RHOF: variants seen among roughly 807,000 people sequenced by gnomAD.
RHOF encodes the protein ras homolog family member F, filopodia associated, also known as rho-related GTP-binding protein RhoF.
RHOF carries 21 observed loss-of-function variants against 22.2 expected under a neutral mutation model. The ratio of observed to expected loss-of-function variants is 0.95; its 90% CI spans 0.67 to 1.36. The LOEUF (loss-of-function observed/expected upper bound fraction) is 1.36, where lower values mean the gene tolerates loss of function less well. RHOF is among the 40% of genes most tolerant of loss of function. The probability of loss-of-function intolerance (pLI) is 0.00; values close to 1 mark genes in which losing one functional copy is unlikely to be tolerated. For synonymous variants in RHOF, 135 were observed against 131.2 expected (o/e 1.03, Z -0.20); for missense variants, 285 against 293.7 (o/e 0.97, Z 0.22).
rs770864950 is a variant in RHOF at position 121,781,131 on chromosome 12, G to C, written c.288C>G (p.Ile96Met). The C allele has an allele frequency of 6.2e-7, 1 of 1,614,254 alleles. No homozygotes were observed. Among genetic ancestry groups the C allele is most frequent in the Admixed American group, 1.7e-5 (1 of 60,028 alleles). ...LSYQNTHLVL[I>M]CYDVMNPTSY... ...TGGTGGGATTCATGACGTCATAGCAGATGAGCACGAGGTGGGTGTTCTGGT... is the reference window on the plus strand; with the variant it reads ...TGGTGGGATTCATGACGTCATAGCACATGAGCACGAGGTGGGTGTTCTGGT... The change falls in exon 3 of 5, where the codon ATC becomes ATG. Residue 96 changes from isoleucine (I) to methionine (M), a missense_variant. Transcript: ENST00000267205.
At chr12:121,784,916 G>A (rs756731401) in intron 2 of RHOF, among the ~76,000 whole-genome samples, 1 of 152,178 alleles carries the variant, frequency 6.6e-6, no homozygotes, top group Non-Finnish European at 1.5e-5. Context: ...ACCCCCAGTG[G>A]ATGTTTGAAA....
chr12:121,785,854 C>T (rs796794547), intron 2 of RHOF, among the ~76,000 whole-genome samples: 11 of 151,714 alleles, frequency 7.3e-5, no homozygotes, highest in African/African-American at 2.2e-4. Flanking sequence ...CCTCGTGATC[C>T]GCCCACCTCA....
Position 121,781,084 on chromosome 12 carries a change from T to C in RHOF, c.335A>G (p.Lys112Arg), listed in dbSNP as rs1874437452. 2 of 1,614,136 alleles carry C rather than the reference T, an allele frequency of 1.2e-6. No individual in the cohort carries two copies. Among genetic ancestry groups the C allele is most frequent in the Non-Finnish European group, 8.5e-7 (1 of 1,179,960 alleles). Residue 112 changes from lysine (K) to arginine (R), a missense_variant and splice_region_variant, in exon 3 of 5, where the codon AAG becomes AGG. Lys to Arg is a conservative substitution (Grantham distance 26). Transcript: ENST00000267205. ...CACCACCCAGGAGGCCGGCCTCACC[T>C]TGATGAGGACGTTGTCGTAGCTGGT... ...NPTSYDNVLI[K>R]WFPEVTHFCR...
chr12:121,786,895 G>A (rs1046861009), intron 2 of RHOF, among the ~76,000 whole-genome samples: 43 of 152,060 alleles, frequency 2.8e-4, no homozygotes, highest in African/African-American at 2.4e-4. Flanking sequence ...AAAACTGGCC[G>A]GGTATGGGGC....
intron 2 of RHOF, among the ~76,000 whole-genome samples, chr12:121,788,990 A>G (rs943722074): frequency 1.3e-5 from 2 of 152,138 alleles, no homozygotes; most frequent in African/African-American, 4.8e-5. Flanking sequence ...AAATGATACC[A>G]GGGCTGAAAG....
At chr12:121,788,079 GCCCTTCA>G (rs1198539686) in intron 2 of RHOF, among the ~76,000 whole-genome samples, 2 of 152,070 alleles carry the variant, frequency 1.3e-5, no homozygotes. Flanking sequence ...CTAGCTCAAA[GCCCTTCA>G]CCTGGATTAA....
intron 2 of RHOF, among the ~76,000 whole-genome samples, chr12:121,783,733 C>T (rs1479103336): frequency 3.3e-5 from 5 of 152,092 alleles, no homozygotes; most frequent in Non-Finnish European, 5.9e-5. Flanking sequence ...CCACTCACCT[C>T]GACCTTCCAA....
rs1275257860 is a variant in RHOF at position 121,793,127 on chromosome 12, C to T, written c.226+25G>A. ...CCCTTCGGGCGGGCGGACCCTCGGG[C>T]CCCCCGGCGCGCAGGCGCACTCACC... On this transcript the variant is annotated intron_variant, in intron 2 of 4. Coordinates refer to ENST00000267205, the MANE Select transcript of RHOF (RefSeq NM_019034.3). 3 of 1,539,370 alleles carry T rather than the reference C, an allele frequency of 1.9e-6. No homozygotes were observed. In the African/African-American group the frequency reaches 4.1e-5, roughly 21 times the overall value.
chr12:121,791,953 C>T (rs923508843), intron 2 of RHOF, among the ~76,000 whole-genome samples: 2 of 152,230 alleles, frequency 1.3e-5, no homozygotes, highest in African/African-American at 4.8e-5. Flanking sequence ...CCCCGGGCCA[C>T]GCCCCGGGAA....
At position 121,792,115 on chromosome 12, in the gene RHOF, C is replaced by G. The variant is rs181965810; in HGVS notation, c.226+1037G>C. Among the ~76,000 whole-genome samples the G allele has an allele frequency of 2.3e-5, 3 of 133,156 alleles. No homozygotes were observed. The East Asian group carries it at 9.1e-4, about 40-fold the overall frequency. 87.4% of individuals were successfully genotyped at this position (133,156 alleles called of 152,430 possible). On this transcript the variant is annotated intron_variant, in intron 2 of 4. Transcript: ENST00000267205. ...AGTCGGAATGGAGGGGGGCTCTGAG[C>G]TAGGACAGCCCCTTTTCGGGTCCTC...
chr12:121,783,628 G>T (rs11834522), intron 2 of RHOF, among the ~76,000 whole-genome samples: 1 of 151,830 alleles, frequency 6.6e-6, no homozygotes, highest in Non-Finnish European at 1.5e-5. Flanking sequence ...GATTACAGGC[G>T]CCCACCACCA....
chr12:121,781,388 T>G lies in RHOF; in HGVS notation c.227-196A>C. The stretch of plus-strand genomic sequence containing the variant: ...CGGGAGGCTGAGGCCGGAGGATCGC[T>G]TGAGCCCAGGAGGTCAAGGCTACAG... On this transcript the variant is annotated intron_variant, in intron 2 of 4. Coordinates refer to ENST00000267205, the MANE Select transcript of RHOF (RefSeq NM_019034.3). The G allele has an allele frequency of 8.9e-6, 5 of 562,684 alleles. No individual in the cohort carries two copies. The South Asian group carries it at 1.0e-4, about 11-fold the overall frequency. 34.9% of individuals were successfully genotyped at this position (562,684 alleles called of 1,614,324 possible).
chr12:121,793,595 G>A lies in RHOF; in HGVS notation c.39C>T (p.Pro13=), dbSNP rs776536269. The A allele has an allele frequency of 4.3e-5, 67 of 1,551,164 alleles. No individual in the cohort carries two copies. The highest frequency in any genetic ancestry group is 5.3e-5 in the Non-Finnish European group (61 of 1,153,420). The change falls in exon 1 of 5, where the codon CCC becomes CCT. Residue 13 remains proline (P), a synonymous_variant. Transcript: ENST00000267205. ...APGALAQTAA[P]GPGRKELKIV... ...TCTTCAGCTCCTTCCTGCCCGGACC[G>A]GGGGCGGCGGTCTGGGCCAGGGCCC...
At position 121,781,203 on chromosome 12, in the gene RHOF, A is replaced by G; in HGVS notation, c.227-11T>C. The G allele has an allele frequency of 6.2e-7, 1 of 1,612,986 alleles. No homozygotes were observed. The highest frequency in any genetic ancestry group is 8.5e-7 in the Non-Finnish European group (1 of 1,178,976). On this transcript the variant is annotated splice_polypyrimidine_tract_variant and intron_variant, in intron 2 of 4. Transcript: ENST00000267205. Reference sequence around the variant, plus strand: ...CATAGTCTTCTTGCCCTGAAAGCACAGAGCAGCGGGGGTCAGGGGACGTCC... The same window carrying G: ...CATAGTCTTCTTGCCCTGAAAGCACGGAGCAGCGGGGGTCAGGGGACGTCC...
In RHOF at chr12:121,779,412, G is replaced by A. The variant is rs1874356976; in HGVS notation, c.*86C>T. On this transcript the variant is annotated 3_prime_UTR_variant, in exon 5 of 5. Transcript: ENST00000267205. Reference sequence around the variant, plus strand: ...GGCCCCAGACACCATGAGCTGGAGGGTCGGGATGGGGCAGCCTCCCTGGTG... The same window carrying A: ...GGCCCCAGACACCATGAGCTGGAGGATCGGGATGGGGCAGCCTCCCTGGTG... 6 of 1,433,166 alleles carry A rather than the reference G, an allele frequency of 4.2e-6. No individual in the cohort carries two copies. The highest frequency in any genetic ancestry group is 1.2e-5 in the South Asian group (1 of 82,456). The allele number at this position is 1,433,166 out of a possible 1,614,324, so 88.8% of individuals were successfully genotyped here. A position where few individuals can be genotyped will look rare whatever the true frequency, so the allele number is the denominator to read the frequency against.
chr12:121,781,029 CAG>C, intron 3 of RHOF, 23 bp from the exon 4 acceptor site: 3 of 1,613,344 alleles, frequency 1.9e-6, no homozygotes, highest in South Asian at 1.1e-5. Context: ...GAGGCGGGAT[CAG>C]GGGTGCGGCC....
intron 2 of RHOF, among the ~76,000 whole-genome samples, chr12:121,784,031 C>G (rs1566532868): frequency 6.6e-6 from 1 of 152,192 alleles, no homozygotes; most frequent in Non-Finnish European, 1.5e-5. Context: ...CCACCAAGCT[C>G]TCATGTCCCA....
Position 121,779,532 on chromosome 12 carries a change from C to G in RHOF, c.602G>C (p.Arg201Pro), listed in dbSNP as rs765919657. 1 of 1,612,786 alleles carries G rather than the reference C, an allele frequency of 6.2e-7. No homozygotes were observed. Among genetic ancestry groups the G allele is most frequent in the Admixed American group, 1.7e-5 (1 of 60,004 alleles). Residue 201 changes from arginine (R) to proline (P), a missense_variant, in exon 5 of 5, where the codon CGG becomes CCG. Physicochemically the swap from Arg to Pro is moderately radical, Grantham distance 103. Transcript: ENST00000267205. ...CAGGCAGAGCCGGCGCTTCTTCTGC[C>G]GTTGCGCCTTCTTCAGAGCGCTGAG... The part of the protein sequence containing the change: ...VALSALKKAQ[R>P]QKKRRLCLLL
intron 2 of RHOF, among the ~76,000 whole-genome samples, chr12:121,787,047 AC>A (rs1874628060): frequency 6.6e-6 from 1 of 152,008 alleles, no homozygotes; most frequent in African/African-American, 2.4e-5. Context: ...CAAAACAAAA[AC>A]AAAAATCAAA....
Sources: allele counts gnomAD v4.1 joint callset (sites outside exome capture counted in the v4.1 genomes callset), GRCh38; gene constraint gnomAD v4.1.1; transcripts MANE v1.5; gene names NCBI Gene and HGNC (gene_info 2026-07-23, HGNC 2026-07-21).